Variants in ADARB2 observed in about 807,000 individuals in gnomAD.
The protein encoded by ADARB2 is inactive double-stranded RNA-specific editase B2.
Under a neutral mutation model 62.2 loss-of-function variants are expected in ADARB2, and 25 were observed. That is an observed-to-expected ratio of 0.40 (90% CI 0.29 to 0.56). ADARB2 has a LOEUF of 0.56. Among genes scored for constraint, ADARB2 ranks in the 20% least tolerant of loss-of-function variants. ADARB2 has a pLI of 0.43. For missense variants in ADARB2, 1,071 were observed against 1,077.4 expected, an observed-to-expected ratio of 0.99 and a Z score of 0.08; for synonymous variants, 572 against 500.8, an observed-to-expected ratio of 1.14 and a Z score of -1.90.
At chr10:1,304,194 T>C (rs1187271708) in intron 3 of ADARB2, among the ~76,000 whole-genome samples, 2 of 151,444 alleles carry the variant, frequency 1.3e-5, no homozygotes, top group Admixed American at 6.6e-5. Flanking sequence ...ACCAAGCAAA[T>C]GGAAAACAAA....
chr10:1,564,453 T>C (rs1476470514), intron 1 of ADARB2, among the ~76,000 whole-genome samples: 1 of 152,074 alleles, frequency 6.6e-6, no homozygotes, highest in Admixed American at 6.6e-5. Flanking sequence ...CAAAAGAAAC[T>C]ACCATCAGAG....
At chr10:1,227,998 C>T (rs565480518) in intron 6 of ADARB2, among the ~76,000 whole-genome samples, 14 of 152,266 alleles carry the variant, frequency 9.2e-5, no homozygotes, top group African/African-American at 2.4e-4. Context: ...CTGCAATGCA[C>T]GGATATTATC....
chr10:1,475,463 A>T (rs1831387200), intron 1 of ADARB2, among the ~76,000 whole-genome samples: 1 of 152,054 alleles, frequency 6.6e-6, no homozygotes, highest in Admixed American at 6.5e-5. Flanking sequence ...CTCTGTGGGG[A>T]GGGGACAGCA....
chr10:1,537,401 C>T (rs1036493420), intron 1 of ADARB2, among the ~76,000 whole-genome samples: 1 of 152,212 alleles, frequency 6.6e-6, no homozygotes, highest in Non-Finnish European at 1.5e-5. Flanking sequence ...GAAGACAGTG[C>T]AACAATTCCT....
chr10:1,497,439 A>C (rs527943281), intron 1 of ADARB2, among the ~76,000 whole-genome samples: 2 of 152,240 alleles, frequency 1.3e-5, no homozygotes, highest in Non-Finnish European at 2.9e-5. Flanking sequence ...TGCAGAAAAC[A>C]CATGTTCATT....
At chr10:1,544,017 AC>A (rs1220810102) in intron 1 of ADARB2, among the ~76,000 whole-genome samples, 3,096 of 20,684 alleles carry the variant, frequency 0.15, 125 homozygotes, top group African/African-American at 0.23. Flanking sequence ...AAAAAAACAA[AC>A]AAAAAAAAAA....
At chr10:1,649,485 C>T (rs1305667375) in intron 1 of ADARB2, among the ~76,000 whole-genome samples, 4 of 152,218 alleles carry the variant, frequency 2.6e-5, no homozygotes, top group South Asian at 2.1e-4. Flanking sequence ...TAATTTTCTC[C>T]GTGGCTCATT....
chr10:1,221,648 A>G (rs913545352), intron 6 of ADARB2, among the ~76,000 whole-genome samples: 1 of 147,158 alleles, frequency 6.8e-6, no homozygotes, highest in East Asian at 2.0e-4. Flanking sequence ...ATTCCCATCT[A>G]TGAGTGAGAA....
chr10:1,565,057 G>GCT (rs1564332179), intron 1 of ADARB2, among the ~76,000 whole-genome samples: 1 of 152,128 alleles, frequency 6.6e-6, no homozygotes, highest in African/African-American at 2.4e-5. Context: ...AGGGCTCTCC[G>GCT]CTCTCCTCGC....
chr10:1,461,673 C>T (rs72764912), intron 1 of ADARB2, among the ~76,000 whole-genome samples: 10,218 of 71,362 alleles, frequency 0.14, 1,066 homozygotes, highest in African/African-American at 0.37. Context: ...TTTTTTTTTT[C>T]CTTTTTTTCT....
At chr10:1,325,079 G>A (rs1186271247) in intron 3 of ADARB2, among the ~76,000 whole-genome samples, 1 of 152,172 alleles carries the variant, frequency 6.6e-6, no homozygotes, top group Admixed American at 6.5e-5. Flanking sequence ...GAAGTTCTGG[G>A]CCTCACGCCA....
chr10:1,720,129 G>C (rs1835071974), intron 1 of ADARB2, among the ~76,000 whole-genome samples: 1 of 152,180 alleles, frequency 6.6e-6, no homozygotes, highest in African/African-American at 2.4e-5. Flanking sequence ...TCAATCTAGT[G>C]CCTATTGATG....
chr10:1,657,906 TC>T (rs896454893), intron 1 of ADARB2, among the ~76,000 whole-genome samples: 5 of 152,230 alleles, frequency 3.3e-5, no homozygotes, highest in African/African-American at 1.2e-4. Context: ...CCCGTCTCTG[TC>T]TCTCTTTATC....
At chr10:1,558,064 G>A (rs779994103) in intron 1 of ADARB2, among the ~76,000 whole-genome samples, 63 of 152,272 alleles carry the variant, frequency 4.1e-4, no homozygotes, top group African/African-American at 1.2e-3. Context: ...AGCAGTGAGC[G>A]TGGCTTCCAT....
chr10:1,688,319 G>A (rs907558158), intron 1 of ADARB2, among the ~76,000 whole-genome samples: 2 of 152,198 alleles, frequency 1.3e-5, no homozygotes, highest in African/African-American at 4.8e-5. Flanking sequence ...CTTGGGCATG[G>A]GTGGGCAGAG....
chr10:1,531,352 G>T (rs1832236346), intron 1 of ADARB2, among the ~76,000 whole-genome samples: 1 of 152,194 alleles, frequency 6.6e-6, no homozygotes, highest in South Asian at 2.1e-4. Context: ...TTCGCGAGAG[G>T]CATGGCCAAT....
chr10:1,406,327 C>T (rs1402580175), intron 1 of ADARB2, among the ~76,000 whole-genome samples: 1 of 152,240 alleles, frequency 6.6e-6, no homozygotes, highest in Admixed American at 6.5e-5. Context: ...AGGACACTTG[C>T]TGTCTGTGAT....
chr10:1,574,692 T>C (rs1012483201), intron 1 of ADARB2, among the ~76,000 whole-genome samples: 3 of 152,286 alleles, frequency 2.0e-5, no homozygotes, highest in African/African-American at 7.2e-5. Flanking sequence ...ACCATGCAGA[T>C]TGGAGTAGGG....
At chr10:1,637,181 G>A (rs770548939) in intron 1 of ADARB2, among the ~76,000 whole-genome samples, 29 of 152,148 alleles carry the variant, frequency 1.9e-4, no homozygotes, top group Non-Finnish European at 3.5e-4. Context: ...TTTACCACAA[G>A]TGGCTCTGCT....
Sources: allele counts gnomAD v4.1 joint callset (sites outside exome capture counted in the v4.1 genomes callset), GRCh38; gene constraint gnomAD v4.1.1; transcripts MANE v1.5; gene names NCBI Gene and HGNC (gene_info 2026-07-23, HGNC 2026-07-21).